KIFC3: variants seen among roughly 807,000 people sequenced by gnomAD.
KIFC3 encodes the protein kinesin-like protein KIFC3.
KIFC3 carries 60 observed loss-of-function variants against 101.8 expected under a neutral mutation model. The ratio of observed to expected loss-of-function variants is 0.59; its 90% CI spans 0.48 to 0.73. The LOEUF (loss-of-function observed/expected upper bound fraction) is 0.73. Ranked by LOEUF, KIFC3 falls within the 30% of genes least tolerant of loss-of-function variation. The probability of loss-of-function intolerance (pLI) is 0.00; values close to 1 mark genes in which losing one functional copy is unlikely to be tolerated. For missense variants in KIFC3, 966 were observed against 1,137.1 expected, an observed-to-expected ratio of 0.85 and a Z score of 2.16; for synonymous variants, 476 against 482.7, an observed-to-expected ratio of 0.99 and a Z score of 0.18.
intron 1 of KIFC3, among the ~76,000 whole-genome samples, chr16:57,838,209 C>T (rs1567333084): frequency 8.5e-5 from 13 of 152,166 alleles, no homozygotes; most frequent in Admixed American, 7.9e-4. Context: ...TCCCAAGCCT[C>T]GCAGCCGGGG....
intron 3 of KIFC3, chr16:57,780,072 T>C (rs77233162): frequency 0.026 from 3,913 of 152,280 alleles, 62 homozygotes; most frequent in Non-Finnish European, 0.037. Context: ...CCATGATCCG[T>C]TCACCTCTCA....
intron 3 of KIFC3, chr16:57,773,897 T>C (rs1411639518): frequency 7.9e-5 from 12 of 151,650 alleles, no homozygotes; most frequent in African/African-American, 2.7e-4. Flanking sequence ...CAGCTCTGAG[T>C]GGTCAGGGAG....
At chr16:57,847,673 G>A (rs1327404723) in intron 1 of KIFC3, among the ~76,000 whole-genome samples, 1 of 151,982 alleles carries the variant, frequency 6.6e-6, no homozygotes, top group African/African-American at 2.4e-5. Flanking sequence ...TGATATAAAT[G>A]CGTAAGAGAA....
chr16:57,824,523 A>C (rs1166675373), intron 1 of KIFC3, among the ~76,000 whole-genome samples: 1 of 152,116 alleles, frequency 6.6e-6, no homozygotes, highest in Non-Finnish European at 1.5e-5. Flanking sequence ...TCCCTACAAA[A>C]AATACAAAAA....
intron 3 of KIFC3, among the ~76,000 whole-genome samples, chr16:57,792,926 G>C (rs2053997037): frequency 1.4e-5 from 2 of 145,182 alleles, no homozygotes; most frequent in African/African-American, 2.6e-5. Flanking sequence ...AGCATGAAGA[G>C]ATTACCAGGA....
intron 1 of KIFC3, among the ~76,000 whole-genome samples, chr16:57,818,101 T>G (rs930031693): frequency 2.6e-5 from 4 of 152,062 alleles, no homozygotes; most frequent in Non-Finnish European, 5.9e-5. Flanking sequence ...TGATCTCTGC[T>G]CACTGCACCC....
chr16:57,805,166 C>T (rs944064024), upstream of KIFC3, among the ~76,000 whole-genome samples: 1 of 151,848 alleles, frequency 6.6e-6, no homozygotes, highest in East Asian at 1.9e-4. Context: ...TGTGTGGAGT[C>T]GGGGTCTAGC....
rs1567911518 is a variant in KIFC3, at chr16:57,758,505, G to T, written c.*429C>A. On this transcript the variant is annotated 3_prime_UTR_variant, in exon 20 of 20. Coordinates refer to ENST00000445690, the MANE Select transcript of KIFC3 (RefSeq NM_001130100.2). ...CCACCAACCCACCCCAGTCCCCATG[G>T]TTCTTGGGTCTGCCCAGAGGCTCCT... 4.2e-6 allele frequency: 2 copies of T among 475,830 alleles called. No individual in the cohort carries two copies. The highest frequency in any genetic ancestry group is 5.8e-5 in the Admixed American group (2 of 34,678). The allele number at this position is 475,830 out of a possible 1,614,324, so 29.5% of individuals were successfully genotyped here.
intron 1 of KIFC3, among the ~76,000 whole-genome samples, chr16:57,826,629 C>T (rs562472979): frequency 6.6e-6 from 1 of 152,140 alleles, no homozygotes; most frequent in South Asian, 2.1e-4. Flanking sequence ...TAGAGGGAGG[C>T]TCATAGATGG....
chr16:57,797,914 C>G, intron 2 of KIFC3, 158 bp downstream of exon 2: 1 of 1,500,510 alleles, frequency 6.7e-7, no homozygotes, highest in Non-Finnish European at 8.9e-7. Context: ...GAGACTGACG[C>G]TCCGGCTCCA....
Position 57,847,182 on chromosome 16 carries a change from TGAAGGAAGGAGGGAAG to T in KIFC3, c.108+15531_108+15546del, listed in dbSNP as rs1475717360. Among the ~76,000 whole-genome samples the T allele has an allele frequency of 3.7e-3, 486 of 130,636 alleles. 7 individuals are homozygous for T. The highest frequency in any genetic ancestry group is 8.4e-3 in the East Asian group (36 of 4,270). 85.7% of individuals were successfully genotyped at this position (130,636 alleles called of 152,430 possible). On this transcript the variant is annotated intron_variant, in intron 1 of 2. Transcript: ENST00000563028. ...CTGAGGTGACAGAGCAATGAATCTG[TGAAGGAAGGAGGGAAG>T]GAAGGAAGGAAGGAAGGAAGGAAGG...
intron 3 of KIFC3, among the ~76,000 whole-genome samples, chr16:57,787,545 G>T (rs1253513569): frequency 1.3e-5 from 2 of 152,230 alleles, no homozygotes; most frequent in Non-Finnish European, 2.9e-5. Context: ...AGGGGAGGAC[G>T]GGAGGACAAG....
At chr16:57,861,316 C>G (rs1372813976) in intron 1 of KIFC3, among the ~76,000 whole-genome samples, 7 of 152,126 alleles carry the variant, frequency 4.6e-5, no homozygotes, top group African/African-American at 1.4e-4. Context: ...CCAACAGTAC[C>G]AACCCCCTGG....
At position 57,770,768 on chromosome 16, in the gene KIFC3, G is replaced by A. The variant is rs1171299015; in HGVS notation, c.766-68C>T. 11 of 1,287,698 alleles carry A rather than the reference G, an allele frequency of 8.5e-6. No homozygotes were observed. The East Asian group carries it at 2.5e-4, about 29-fold the overall frequency. 79.8% of individuals were successfully genotyped at this position (1,287,698 alleles called of 1,614,324 possible). On this transcript the variant is annotated intron_variant, in intron 6 of 19. Coordinates refer to ENST00000445690, the MANE Select transcript of KIFC3 (RefSeq NM_001130100.2). The stretch of plus-strand genomic sequence containing the variant: ...CGTACCTCACCCAAGAGCCTGAGAC[G>A]CAGCAGGCCAGGGGAAGGAACTCTC...
At chr16:57,760,530 T>TTG in intron 16 of KIFC3, 114 bp from the exon 17 acceptor site, 1 of 1,200,066 alleles carries the variant, frequency 8.3e-7, no homozygotes, top group Non-Finnish European at 1.2e-6. Context: ...GCCTGAGGGA[T>TTG]GGGGTGGGAG....
At position 57,769,897 on chromosome 16, in the gene KIFC3, T is replaced by A. The variant is rs1303919528; in HGVS notation, c.998A>T (p.Gln333Leu). The A allele has an allele frequency of 6.2e-7, 1 of 1,613,750 alleles. No individual in the cohort carries two copies. Among genetic ancestry groups the A allele is most frequent in the Non-Finnish European group, 8.5e-7 (1 of 1,180,036 alleles). The change falls in exon 8 of 20, where the codon CAG becomes CTG. Residue 333 changes from glutamine (Q) to leucine (L), a missense_variant. Transcript: ENST00000445690. This position sits in a 1 kb window ranked among gnomAD's most constrained non-coding sequence, Gnocchi z 4.3. ...CCGGTTCTTGTCCTCTTCCAGGGAC[T>A]GCATCTCCTCCAGCATCTGCCCATG... ...RAHGQMLEEM[Q>L]SLEEDKNRAI...
Position 57,802,344 on chromosome 16 carries a change from C to A in KIFC3, c.-40+26G>T. ...GCAGAGCCCAGCGCCCCGCTCGCAC[C>A]CAGCCCGCCCGGGCCCCCCACTCAC... On this transcript the variant is annotated intron_variant, in intron 1 of 19. Coordinates refer to ENST00000445690, the MANE Select transcript of KIFC3 (RefSeq NM_001130100.2). This position sits in a 1 kb window ranked among gnomAD's most constrained non-coding sequence, Gnocchi z 5.0. The A allele has an allele frequency of 2.0e-6, 2 of 976,060 alleles. No individual in the cohort carries two copies. Among genetic ancestry groups the A allele is most frequent in the Non-Finnish European group, 2.4e-6 (2 of 822,118 alleles). The allele number at this position is 976,060 out of a possible 1,614,324, so 60.5% of individuals were successfully genotyped here. A position where few individuals can be genotyped will look rare whatever the true frequency, so the allele number is the denominator to read the frequency against.
chr16:57,822,035 C>T (rs1476933992), intron 1 of KIFC3, among the ~76,000 whole-genome samples: 2 of 152,108 alleles, frequency 1.3e-5, no homozygotes, highest in African/African-American at 2.4e-5. Context: ...GTGATGGAGC[C>T]ACTGCACTCA....
intron 3 of KIFC3, chr16:57,775,540 A>G (rs2051936433): frequency 1.0e-6 from 1 of 986,580 alleles, no homozygotes; most frequent in African/African-American, 1.7e-5. Flanking sequence ...GCACCTGGGG[A>G]AAGCGGATGG....
Sources: allele counts gnomAD v4.1 joint callset (sites outside exome capture counted in the v4.1 genomes callset), GRCh38; gene constraint gnomAD v4.1.1; non-coding constraint Gnocchi (gnomAD v3.1); transcripts MANE v1.5; gene names NCBI Gene and HGNC (gene_info 2026-07-23, HGNC 2026-07-21).